The following UHMK1 variants were observed in gnomAD, a reference collection of about 807,000 sequenced individuals.
UHMK1 encodes the protein U2AF homology motif kinase 1.
Under a neutral mutation model 44.0 loss-of-function variants are expected in UHMK1, and 18 were observed. That is an observed-to-expected ratio of 0.41 (90% CI 0.28 to 0.61). The LOEUF (loss-of-function observed/expected upper bound fraction) is 0.61, where lower values mean the gene tolerates loss of function less well. UHMK1 is among the 20% of genes least tolerant of loss of function. The pLI, the probability that UHMK1 is intolerant of heterozygous loss-of-function variation, is 0.31. For synonymous variants in UHMK1, 231 were observed against 198.5 expected (o/e 1.16, Z -1.38); for missense variants, 463 against 522.5 (o/e 0.89, Z 1.11).
rs889025949 is a variant in UHMK1 at position 162,512,915 on chromosome 1, C to T, written c.1024+92C>T. ...AACATTTTCATATTTCTCAATTTAT[C>T]TAATGAGAATATTGAACAATATGAT... On this transcript the variant is annotated intron_variant, in intron 6 of 7. Transcript: ENST00000489294. 5 of 1,218,686 alleles carry T rather than the reference C, an allele frequency of 4.1e-6. No individual in the cohort carries two copies. In the African/African-American group the frequency reaches 6.1e-5, roughly 15 times the overall value. 75.5% of individuals were successfully genotyped at this position (1,218,686 alleles called of 1,614,324 possible).
chr1:162,507,529 T>G (rs894928658), intron 4 of UHMK1, among the ~76,000 whole-genome samples: 3 of 151,818 alleles, frequency 2.0e-5, no homozygotes, highest in African/African-American at 7.2e-5. Flanking sequence ...AGCCTCAGTT[T>G]CCCAAAATGC....
intron 6 of UHMK1, among the ~76,000 whole-genome samples, chr1:162,513,643 A>G (rs983411245): frequency 5.3e-5 from 8 of 152,202 alleles, no homozygotes; most frequent in Admixed American, 5.2e-4. Context: ...TGCTTGACTA[A>G]AAGTTGAGGG....
At chr1:162,503,907 C>CTT in intron 4 of UHMK1, 59 bp downstream of exon 4, 1 of 1,280,568 alleles carries the variant, frequency 7.8e-7, no homozygotes, top group East Asian at 2.4e-5. Flanking sequence ...AATGGTACGT[C>CTT]TTTTTTTTCT....
At chr1:162,497,248 T>A (rs1651078901), upstream of UHMK1, 1 of 701,864 alleles carries the variant, frequency 1.4e-6, no homozygotes, top group Non-Finnish European at 2.6e-6. Flanking sequence ...AAATAGATTG[T>A]AAATGTTTCT....
Position 162,500,055 on chromosome 1 carries a change from A to G in UHMK1, c.369A>G (p.Leu123=), listed in dbSNP as rs767534398. 6.8e-6 allele frequency: 11 copies of G among 1,614,060 alleles called. No individual in the cohort carries two copies. The East Asian group carries it at 8.9e-5, about 13-fold the overall frequency. The part of the protein sequence containing the change: ...LLDVSVSELL[L]YSSHQGCSMW... The stretch of plus-strand genomic sequence containing the variant: ...ATGTCAGTGTTTCGGAATTGCTCTT[A>G]TATTCCAGTCACCAGGGTTGTTCCA... Residue 123 remains leucine, a synonymous_variant, in exon 2 of 8, where the codon TTA becomes TTG. Transcript: ENST00000489294.
At chr1:162,504,721 T>C (rs1184768613) in intron 4 of UHMK1, among the ~76,000 whole-genome samples, 1 of 152,288 alleles carries the variant, frequency 6.6e-6, no homozygotes, top group Middle Eastern at 3.4e-3. Context: ...TACTGTACAC[T>C]ATAAGACTAA....
chr1:162,497,978 G>A lies in UHMK1; in HGVS notation c.-23G>A. Reference sequence around the variant, plus strand: ...CCTCAGGCGTCGCGTCAGCTCCCGTGTCCGTGCCCTTAACCCACACCGATG... The same window carrying A: ...CCTCAGGCGTCGCGTCAGCTCCCGTATCCGTGCCCTTAACCCACACCGATG... On this transcript the variant is annotated 5_prime_UTR_variant, in exon 1 of 8. Coordinates refer to ENST00000489294, the MANE Select transcript of UHMK1 (RefSeq NM_175866.5). 1 of 1,502,242 alleles carries A rather than the reference G, an allele frequency of 6.7e-7. No individual in the cohort carries two copies. The allele number at this position is 1,502,242 out of a possible 1,614,324, so 93.1% of individuals were successfully genotyped here.
At chr1:162,517,885 G>A (rs1176732802) in intron 6 of UHMK1, among the ~76,000 whole-genome samples, 2 of 150,998 alleles carry the variant, frequency 1.3e-5, no homozygotes, top group Non-Finnish European at 3.0e-5. Flanking sequence ...AAAAAAAAAA[G>A]AAAAGAAACT....
chr1:162,498,215 G>A lies in UHMK1; in HGVS notation c.215G>A (p.Gly72Asp). 2 of 1,610,758 alleles carry A rather than the reference G, an allele frequency of 1.2e-6. No individual in the cohort carries two copies. Among genetic ancestry groups the A allele is most frequent in the Non-Finnish European group, 1.7e-6 (2 of 1,178,224 alleles). The change falls in exon 1 of 8, where the codon GGT becomes GAT. Residue 72 changes from glycine to aspartate, a missense_variant. This residue lies in a region of UHMK1 where 191 missense variants were observed against 176.0 expected (regional missense o/e 1.09). Transcript: ENST00000489294. Reference sequence around the variant, plus strand: ...GCTGCGGCCTCTGCCGCCGAGTATGGTTTCCGCAAAGAGAGGGCGGCGCTG... The same window carrying A: ...GCTGCGGCCTCTGCCGCCGAGTATGATTTCCGCAAAGAGAGGGCGGCGCTG... The part of the protein sequence containing the change: ...TGAAASAAEY[G>D]FRKERAALEQ...
In UHMK1 at chr1:162,499,982, A is replaced by T. The variant is rs1312117469; in HGVS notation, c.296A>T (p.His99Leu). 6.2e-7 allele frequency: 1 copy of T among 1,614,178 alleles called. No homozygotes were observed. Among genetic ancestry groups the T allele is most frequent in the South Asian group, 1.1e-5 (1 of 91,084 alleles). The change falls in exon 2 of 8, where the codon CAC (histidine) becomes CTC (leucine). Residue 99 changes from histidine to leucine, a missense_variant. This residue lies in a region of UHMK1 where 191 missense variants were observed against 176.0 expected (regional missense o/e 1.09). Transcript: ENST00000489294. The stretch of plus-strand genomic sequence containing the variant: ...ACTTTGTATGGAGTGTTTACAATCC[A>T]CTTTTCTCCAAATGTGCCATCACGC... Reference protein sequence around the residue: ...IVTLYGVFTIHFSPNVPSRCL... With the variant: ...IVTLYGVFTILFSPNVPSRCL...
intron 3 of UHMK1, 96 bp downstream of exon 3, chr1:162,501,200 C>G: frequency 1.6e-6 from 2 of 1,247,850 alleles, no homozygotes; most frequent in Non-Finnish European, 2.2e-6. Context: ...GATGGAGTTT[C>G]ACTCTTTCAC....
At chr1:162,510,767 C>A (rs1651636590) in intron 4 of UHMK1, among the ~76,000 whole-genome samples, 1 of 151,780 alleles carries the variant, frequency 6.6e-6, no homozygotes, top group South Asian at 2.1e-4. Context: ...AGTGCTGCAA[C>A]AAACGTGGGC....
intron 3 of UHMK1, among the ~76,000 whole-genome samples, chr1:162,503,532 A>G (rs1268799185): frequency 6.6e-6 from 1 of 150,722 alleles, no homozygotes; most frequent in Admixed American, 6.7e-5. Flanking sequence ...GATCACTTAA[A>G]CCTGGGAGGC....
chr1:162,515,591 G>C (rs1279090077), intron 6 of UHMK1, among the ~76,000 whole-genome samples: 1 of 152,074 alleles, frequency 6.6e-6, no homozygotes, highest in Non-Finnish European at 1.5e-5. Context: ...CTTGCCCTCA[G>C]CATTGTTTCA....
rs907839407 is a variant in UHMK1 at position 162,508,412 on chromosome 1, A to G, written c.849-4088A>G. ...TGAGCGTGAGCCACCACGCCTGGCC[A>G]TTTAGCTCATTTTGAAATGGTAGGC... On this transcript the variant is annotated intron_variant, in intron 4 of 7. Coordinates refer to ENST00000489294, the MANE Select transcript of UHMK1 (RefSeq NM_175866.5). Among the ~76,000 whole-genome samples, 4 of 149,252 alleles carry G rather than the reference A, an allele frequency of 2.7e-5. No homozygotes were observed. In the Admixed American group the frequency reaches 2.7e-4, roughly 10 times the overall value.
chr1:162,500,102 C>G lies in UHMK1; in HGVS notation c.416C>G (p.Ala139Gly), dbSNP rs748686437. The change falls in exon 2 of 8, where the codon GCC becomes GGC. Residue 139 changes from alanine (A) to glycine (G), a missense_variant. By Grantham distance (60) the Ala-to-Gly change is moderately conservative. Coordinates refer to ENST00000489294, the MANE Select transcript of UHMK1 (RefSeq NM_175866.5). ...TCCATGTGGATGATACAGCATTGTGCCCGAGATGTTTTGGAGGCCCTTGCT... is the reference window on the plus strand; with the variant it reads ...TCCATGTGGATGATACAGCATTGTGGCCGAGATGTTTTGGAGGCCCTTGCT... ...GCSMWMIQHC[A>G]RDVLEALAFL... The G allele has an allele frequency of 4.3e-6, 7 of 1,614,046 alleles. No individual in the cohort carries two copies. The highest frequency in any genetic ancestry group is 1.3e-5 in the African/African-American group (1 of 74,894).
chr1:162,504,856 C>T (rs1463550760), intron 4 of UHMK1, among the ~76,000 whole-genome samples: 2 of 152,148 alleles, frequency 1.3e-5, no homozygotes, highest in African/African-American at 4.8e-5. Flanking sequence ...CTCACTGCAA[C>T]CTCTGCCTCC....
At chr1:162,506,118 G>A (rs777916393) in intron 4 of UHMK1, among the ~76,000 whole-genome samples, 1 of 152,000 alleles carries the variant, frequency 6.6e-6, no homozygotes, top group Non-Finnish European at 1.5e-5. Flanking sequence ...ATTTTACATT[G>A]AAGAGATGGG....
At chr1:162,515,956 C>T (rs1651821933) in intron 6 of UHMK1, among the ~76,000 whole-genome samples, 1 of 151,946 alleles carries the variant, frequency 6.6e-6, no homozygotes, top group African/African-American at 2.4e-5. Flanking sequence ...ATAGCATGAA[C>T]CCGGGAGGCG....
Sources: allele counts gnomAD v4.1 joint callset (sites outside exome capture counted in the v4.1 genomes callset), GRCh38; gene constraint gnomAD v4.1.1; regional missense constraint gnomAD v4.1.1; transcripts MANE v1.5; gene names NCBI Gene and HGNC (gene_info 2026-07-23, HGNC 2026-07-21).